The following FBXO9 variants were observed in gnomAD, a reference collection of about 807,000 sequenced individuals.
The protein encoded by FBXO9 is F-box only protein 9.
In FBXO9, 43 loss-of-function variants were observed where a neutral mutation model predicts 63.7. The observed-to-expected ratio is 0.67, with a 90% confidence interval of 0.53 to 0.87. The LOEUF is 0.87. Ranked by LOEUF, FBXO9 falls within the 40% of genes least tolerant of loss-of-function variation. The pLI, the probability that FBXO9 is intolerant of heterozygous loss-of-function variation, is 0.00. For missense variants in FBXO9, 442 were observed against 533.2 expected (o/e 0.83, Z 1.68); for synonymous variants, 156 against 171.7 (o/e 0.91, Z 0.72).
intron 7 of FBXO9, 137 bp downstream of exon 7, chr6:53,082,755 TACTTA>T (rs1769356558): frequency 4.9e-6 from 3 of 612,574 alleles, no homozygotes; most frequent in South Asian, 4.2e-5. Context: ...TGCTAAGCTG[TACTTA>T]ACTTTCTCAA....
intron 1 of FBXO9, among the ~76,000 whole-genome samples, chr6:53,068,682 T>G (rs1768803285): frequency 6.8e-6 from 1 of 146,982 alleles, no homozygotes; most frequent in Non-Finnish European, 1.5e-5. Flanking sequence ...AGACAGGGTC[T>G]CTCTCTGTCT....
intron 4 of FBXO9, 63 bp from the exon 5 acceptor site, chr6:53,078,736 G>T: frequency 8.2e-7 from 1 of 1,217,096 alleles, no homozygotes; most frequent in Non-Finnish European, 1.2e-6. Flanking sequence ...ACAGTTAAGG[G>T]TAATCAAAGG....
intron 3 of FBXO9, among the ~76,000 whole-genome samples, chr6:53,076,054 A>G (rs971951535): frequency 3.9e-5 from 6 of 152,054 alleles, no homozygotes; most frequent in Non-Finnish European, 7.4e-5. Flanking sequence ...AGATGCTAAT[A>G]TTTTTGATGT....
At chr6:53,079,030 T>A in intron 5 of FBXO9, 132 bp downstream of exon 5, 1 of 462,560 alleles carries the variant, frequency 2.2e-6, no homozygotes, top group East Asian at 3.6e-5. Flanking sequence ...TTTATAAAGT[T>A]GTAGAAATTT....
chr6:53,094,023 C>G, intron 11 of FBXO9, 45 bp downstream of exon 11: 1 of 1,244,950 alleles, frequency 8.0e-7, no homozygotes, highest in Non-Finnish European at 1.1e-6. Context: ...TCTTAATAGC[C>G]TATTCATCCA....
intron 7 of FBXO9, chr6:53,092,181 T>C (rs1763057726): frequency 5.2e-6 from 2 of 385,470 alleles, no homozygotes; most frequent in East Asian, 9.8e-5. Flanking sequence ...CCATCATTTC[T>C]GTCTGCTGAC....
intron 7 of FBXO9, among the ~76,000 whole-genome samples, chr6:53,089,632 C>T (rs1318474806): frequency 6.6e-6 from 1 of 152,150 alleles, no homozygotes; most frequent in East Asian, 1.9e-4. Flanking sequence ...AATACCCAAT[C>T]TAAAAAGACA....
rs188466904 is a variant in FBXO9, at chr6:53,089,240, A to T, written c.654-3189A>T. Among the ~76,000 whole-genome samples, 26 of 152,010 alleles carry T rather than the reference A, an allele frequency of 1.7e-4. No homozygotes were observed. The East Asian group carries it at 4.9e-3, about 28-fold the overall frequency. On this transcript the variant is annotated intron_variant, in intron 7 of 12. Transcript: ENST00000323557. ...CAGGCGCCCGCCACCAGGCCCGGCT[A>T]ATTTTTTGTATTTTTTAGTAGAGAT...
chr6:53,088,065 A>C (rs139780192), intron 7 of FBXO9, among the ~76,000 whole-genome samples: 67 of 152,286 alleles, frequency 4.4e-4, no homozygotes, highest in Middle Eastern at 3.4e-3. Context: ...TTTTTATACA[A>C]AATTATTCTC....
chr6:53,071,644 C>T (rs1454593094), intron 2 of FBXO9, among the ~76,000 whole-genome samples: 2 of 152,160 alleles, frequency 1.3e-5, no homozygotes, highest in African/African-American at 4.8e-5. Flanking sequence ...TAATTAGCCT[C>T]ATTAATAATT....
intron 7 of FBXO9, among the ~76,000 whole-genome samples, chr6:53,087,967 A>G (rs1272656918): frequency 6.6e-6 from 1 of 152,238 alleles, no homozygotes; most frequent in Admixed American, 6.5e-5. Context: ...TATTGATGAC[A>G]TGCTTGGACT....
intron 3 of FBXO9, among the ~76,000 whole-genome samples, chr6:53,074,050 G>A (rs1769013433): frequency 6.6e-6 from 1 of 152,148 alleles, no homozygotes; most frequent in Admixed American, 6.5e-5. Flanking sequence ...TTAATTTCAT[G>A]CAGTATTTTG....
At chr6:53,077,472 CAAAAAAAAAAAAAAAAA>C in intron 4 of FBXO9, among the ~76,000 whole-genome samples, 1 of 70,464 alleles carries the variant, frequency 1.4e-5, no homozygotes. Flanking sequence ...GACTCCGTCT[CAAAAAAAAAAAAAAAAA>C]AAAAAAAAAA....
At chr6:53,095,331 A>G (rs1303109465) in intron 11 of FBXO9, among the ~76,000 whole-genome samples, 182 bp from the exon 12 acceptor site, 1 of 152,200 alleles carries the variant, frequency 6.6e-6, no homozygotes, top group Non-Finnish European at 1.5e-5. Context: ...GGGGAAAAAA[A>G]TCTGATATTT....
At chr6:53,081,268 G>A (rs1769302758) in intron 6 of FBXO9, among the ~76,000 whole-genome samples, 170 bp downstream of exon 6, 1 of 152,106 alleles carries the variant, frequency 6.6e-6, no homozygotes, top group Non-Finnish European at 1.5e-5. Context: ...TTTGTGTTTT[G>A]TTTTGTCTTG....
intron 7 of FBXO9, among the ~76,000 whole-genome samples, chr6:53,088,964 C>T (rs1206917152): frequency 6.6e-6 from 1 of 151,656 alleles, no homozygotes; most frequent in Non-Finnish European, 1.5e-5. Flanking sequence ...CTCTGTCGCC[C>T]AGGCTGGAGT....
At chr6:53,089,080 T>C (rs1415760823) in intron 7 of FBXO9, among the ~76,000 whole-genome samples, 2 of 142,446 alleles carry the variant, frequency 1.4e-5, no homozygotes, top group Non-Finnish European at 3.1e-5. Context: ...TTTGTTTTTG[T>C]TTTTTTTTTT....
chr6:53,079,614 T>C (rs1769240790), intron 5 of FBXO9, among the ~76,000 whole-genome samples: 1 of 152,118 alleles, frequency 6.6e-6, no homozygotes, highest in African/African-American at 2.4e-5. Flanking sequence ...AATTGCACTA[T>C]CTCCCAAAAC....
chr6:53,082,790 C>G (rs1769357501), intron 7 of FBXO9, among the ~76,000 whole-genome samples, 172 bp downstream of exon 7: 1 of 152,096 alleles, frequency 6.6e-6, no homozygotes, highest in African/African-American at 2.4e-5. Flanking sequence ...AATTTAAAGG[C>G]TAGAATATGC....
Sources: allele counts gnomAD v4.1 joint callset (sites outside exome capture counted in the v4.1 genomes callset), GRCh38; gene constraint gnomAD v4.1.1; transcripts MANE v1.5; gene names NCBI Gene and HGNC (gene_info 2026-07-23, HGNC 2026-07-21).